The following SLC8A2 variants were observed in gnomAD, a reference collection of about 807,000 sequenced individuals.
SLC8A2 encodes solute carrier family 8 member A2.
Under a neutral mutation model 70.2 loss-of-function variants are expected in SLC8A2, and 14 were observed. The observed-to-expected ratio is 0.20, with a 90% confidence interval of 0.13 to 0.31. The LOEUF (loss-of-function observed/expected upper bound fraction) is 0.31, where lower values mean the gene tolerates loss of function less well. Ranked by LOEUF, SLC8A2 falls within the 10% of genes least tolerant of loss-of-function variation. SLC8A2 has a pLI of 1.00. For synonymous variants in SLC8A2, 575 were observed against 594.3 expected, an observed-to-expected ratio of 0.97 and a Z score of 0.47; for missense variants, 779 against 1,320.1, an observed-to-expected ratio of 0.59 and a Z score of 6.35.
At position 47,465,987 on chromosome 19, in the gene SLC8A2, G is replaced by A. The variant is rs146616274; in HGVS notation, c.417C>T (p.Ser139=). The change falls in exon 2 of 10, where the codon TCC becomes TCT. Residue 139 remains serine (S), a synonymous_variant. Transcript: ENST00000236877. This position sits in a 1 kb window ranked among gnomAD's most constrained non-coding sequence, Gnocchi z 5.5. ...SNLTLMALGS[S]APEILLSVIE... is the part of the protein sequence containing the mutation. Reference sequence around the variant, plus strand: ...TGACTGACAGCAGGATCTCAGGTGCGGAGGAGCCCAGGGCCATGAGCGTGA... The same window carrying A: ...TGACTGACAGCAGGATCTCAGGTGCAGAGGAGCCCAGGGCCATGAGCGTGA... 6.5e-5 allele frequency: 105 copies of A among 1,613,972 alleles called. 1 individual carries two copies. The highest frequency in any genetic ancestry group is 3.3e-4 in the South Asian group (30 of 91,084).
chr19:47,452,088 G>A (rs1410673900), intron 3 of SLC8A2, among the ~76,000 whole-genome samples: 1 of 152,124 alleles, frequency 6.6e-6, no homozygotes, highest in African/African-American at 2.4e-5. Flanking sequence ...GATTTCTTGA[G>A]TGAGATCATA....
chr19:47,457,692 C>G (rs1735724875), intron 2 of SLC8A2, 98 bp from the exon 3 acceptor site: 12 of 722,558 alleles, frequency 1.7e-5, no homozygotes, highest in Non-Finnish European at 2.6e-5. Context: ...CTCCTCATCT[C>G]TCTCCCCAAC....
Position 47,463,691 on chromosome 19 carries a change from A to G in SLC8A2, c.675+2038T>C, listed in dbSNP as rs542681770. The stretch of plus-strand genomic sequence containing the variant: ...AAAGACTCTGTCTCAAAAAAAAAAA[A>G]AAAGAAAGAAATAGAAATCTTTTCT... On this transcript the variant is annotated intron_variant, in intron 2 of 9. Transcript: ENST00000236877. Among the ~76,000 whole-genome samples, 264 of 151,832 alleles carry G rather than the reference A, an allele frequency of 1.7e-3. 1 individual carries two copies. The highest frequency in any genetic ancestry group is 6.0e-3 in the African/African-American group (247 of 41,466).
chr19:47,459,645 C>A (rs1967366330), intron 2 of SLC8A2, among the ~76,000 whole-genome samples: 1 of 150,972 alleles, frequency 6.6e-6, no homozygotes, highest in South Asian at 2.1e-4. Flanking sequence ...GTGTGTCCAT[C>A]TGTGTGTGTG....
At chr19:47,456,867 CCGGA>C (rs1274678167) in intron 3 of SLC8A2, 59 bp downstream of exon 3, 4 of 1,480,162 alleles carry the variant, frequency 2.7e-6, no homozygotes, top group East Asian at 4.8e-5. Flanking sequence ...CTGGAGGCCG[CCGGA>C]CGGCGGGACC....
rs904967267 is a variant in SLC8A2, at chr19:47,430,627, C to T, written c.2390-162G>A. ...CCCAAGAGGCAAAGTCCATCACCAC[C>T]TTTAGGCCTGCTCGCCACTGGAACC... On this transcript the variant is annotated intron_variant, in intron 9 of 9. Transcript: ENST00000236877. The surrounding 1 kb of genome is among the most constrained non-coding windows in gnomAD (Gnocchi z 5.9). Among the ~76,000 whole-genome samples the T allele has an allele frequency of 1.3e-5, 2 of 152,290 alleles. No homozygotes were observed. The highest frequency in any genetic ancestry group is 3.8e-4 in the East Asian group (2 of 5,204).
At chr19:47,469,169 G>A (rs1967502057) in intron 1 of SLC8A2, among the ~76,000 whole-genome samples, 2 of 151,778 alleles carry the variant, frequency 1.3e-5, no homozygotes, top group East Asian at 1.9e-4. Flanking sequence ...CAAGGGTGGG[G>A]GAGAGGGGTG....
chr19:47,456,916 C>G lies in SLC8A2; in HGVS notation c.1340+14G>C. On this transcript the variant is annotated intron_variant, in intron 3 of 9. Transcript: ENST00000236877. Reference sequence around the variant, plus strand: ...CGCCAGCCCCCTGCACACCCCCCACCCCGGGGGACCCACCTGTACTCGTAG... The same window carrying G: ...CGCCAGCCCCCTGCACACCCCCCACGCCGGGGGACCCACCTGTACTCGTAG... The G allele has an allele frequency of 6.3e-7, 1 of 1,576,420 alleles. No individual in the cohort carries two copies. The highest frequency in any genetic ancestry group is 8.6e-7 in the Non-Finnish European group (1 of 1,162,644).
rs1462574822 is a variant in SLC8A2 at position 47,432,099 on chromosome 19, A to T, written c.2389+68T>A. On this transcript the variant is annotated intron_variant, in intron 9 of 9. Transcript: ENST00000236877. This position sits in a 1 kb window ranked among gnomAD's most constrained non-coding sequence, Gnocchi z 6.2. ...GTGACTCCACCCACCTCATTTTGGC[A>T]GGATCCTGTGTTGCCCCTGCCTGGC... 1.4e-6 allele frequency: 2 copies of T among 1,439,166 alleles called. No individual in the cohort carries two copies. The highest frequency in any genetic ancestry group is 1.9e-6 in the Non-Finnish European group (2 of 1,058,112). 89.1% of individuals were successfully genotyped at this position (1,439,166 alleles called of 1,614,324 possible). A position where few individuals can be genotyped will look rare whatever the true frequency, so the allele number is the denominator to read the frequency against.
chr19:47,438,048 C>G, intron 6 of SLC8A2, 75 bp from the exon 7 acceptor site: 1 of 1,573,184 alleles, frequency 6.4e-7, no homozygotes, highest in Non-Finnish European at 8.7e-7. Flanking sequence ...TACTACCTGT[C>G]CCCATAGTTA....
At chr19:47,464,247 G>A (rs1241299681) in intron 2 of SLC8A2, among the ~76,000 whole-genome samples, 7 of 152,074 alleles carry the variant, frequency 4.6e-5, no homozygotes, top group Non-Finnish European at 8.8e-5. Flanking sequence ...GAGTAGCTGG[G>A]ATTACAGGCG....
At chr19:47,460,277 C>T (rs939385686) in intron 2 of SLC8A2, among the ~76,000 whole-genome samples, 3 of 152,194 alleles carry the variant, frequency 2.0e-5, no homozygotes, top group Admixed American at 6.5e-5. Flanking sequence ...CTGGCTTTAC[C>T]ACAGGGATGG....
At chr19:47,435,737 G>A (rs141011441) in intron 8 of SLC8A2, among the ~76,000 whole-genome samples, 157 of 151,906 alleles carry the variant, frequency 1.0e-3, no homozygotes, top group Non-Finnish European at 1.7e-3. Flanking sequence ...TAGTAGAGAC[G>A]GGGTTTCTCC....
chr19:47,430,239 C>T lies in SLC8A2; in HGVS notation c.2616G>A (p.Val872=), dbSNP rs1314419448. 6.8e-6 allele frequency: 11 copies of T among 1,611,270 alleles called. No individual in the cohort carries two copies. The highest frequency in any genetic ancestry group is 9.3e-6 in the Non-Finnish European group (11 of 1,178,776). Residue 872 remains valine, a synonymous_variant, in exon 10 of 10, where the codon GTG becomes GTA. Coordinates refer to ENST00000236877, the MANE Select transcript of SLC8A2 (RefSeq NM_015063.3). This position sits in a 1 kb window ranked among gnomAD's most constrained non-coding sequence, Gnocchi z 5.9. Reference sequence around the variant, plus strand: ...TGTGCGGCCGGCGCCGGTACAGCAGCACGGCAATGCCCACGAAGGCGAAGA... The same window carrying T: ...TGTGCGGCCGGCGCCGGTACAGCAGTACGGCAATGCCCACGAAGGCGAAGA... ...FTVFAFVGIA[V]LLYRRRPHIG...
At chr19:47,436,008 A>G (rs1462623758) in intron 8 of SLC8A2, among the ~76,000 whole-genome samples, 1 of 152,184 alleles carries the variant, frequency 6.6e-6, no homozygotes, top group East Asian at 1.9e-4. Flanking sequence ...GGAGCAGTGT[A>G]GAAATGTGCC....
rs1283003765 is a variant in SLC8A2, at chr19:47,457,079, G to A, written c.1191C>T (p.Phe397=). 3 of 1,583,944 alleles carry A rather than the reference G, an allele frequency of 1.9e-6. No individual in the cohort carries two copies. Among genetic ancestry groups the A allele is most frequent in the African/African-American group, 2.7e-5 (2 of 74,108 alleles). Residue 397 remains phenylalanine, a synonymous_variant, in exon 3 of 10, where the codon TTC becomes TTT. Transcript: ENST00000236877. ...GGCAGTGGTAGAGGCTAGGCTCGAA[G>A]AAGATGCGGCTGGCGCCGTCGTCTT... ...EDEDDGASRI[F]FEPSLYHCLE...
In SLC8A2 at chr19:47,470,781, G is replaced by A. The variant is rs1019467424; in HGVS notation, c.-17+1008C>T. ...TCTCATCTCTACTACAGAGGCTACC[G>A]GTTAAACTGCAAGAAGGACCGGCCT... On this transcript the variant is annotated intron_variant, in intron 1 of 9. Transcript: ENST00000236877. 2.6e-5 allele frequency among the ~76,000 whole-genome samples: 4 copies of A among 152,300 alleles called. 1 individual carries two copies. Among genetic ancestry groups the A allele is most frequent in the Admixed American group, 2.6e-4 (4 of 15,288 alleles).
At chr19:47,449,873 G>C (rs1967214459) in intron 3 of SLC8A2, among the ~76,000 whole-genome samples, 1 of 152,144 alleles carries the variant, frequency 6.6e-6, no homozygotes, top group Non-Finnish European at 1.5e-5. Context: ...CCCTGAGTGA[G>C]GAAGGAGCCC....
At position 47,466,409 on chromosome 19, in the gene SLC8A2, G is replaced by A. The variant is rs1463521278; in HGVS notation, c.-6C>T. 1.2e-5 allele frequency: 16 copies of A among 1,329,336 alleles called. No homozygotes were observed. The highest frequency in any genetic ancestry group is 1.5e-5 in the South Asian group (1 of 65,874). The allele number at this position is 1,329,336 out of a possible 1,614,324, so 82.3% of individuals were successfully genotyped here. A position where few individuals can be genotyped will look rare whatever the true frequency, so the allele number is the denominator to read the frequency against. On this transcript the variant is annotated 5_prime_UTR_variant, in exon 2 of 10. Coordinates refer to ENST00000236877, the MANE Select transcript of SLC8A2 (RefSeq NM_015063.3). This position sits in a 1 kb window ranked among gnomAD's most constrained non-coding sequence, Gnocchi z 6.9. ...ACCAAGGCCAGGGGAGCCATGGGGGGTGGTGGGGTCCTATGGGGGAGGAGG... is the reference window on the plus strand; with the variant it reads ...ACCAAGGCCAGGGGAGCCATGGGGGATGGTGGGGTCCTATGGGGGAGGAGG...
Sources: allele counts gnomAD v4.1 joint callset (sites outside exome capture counted in the v4.1 genomes callset), GRCh38; gene constraint gnomAD v4.1.1; non-coding constraint Gnocchi (gnomAD v3.1); transcripts MANE v1.5; gene names NCBI Gene and HGNC (gene_info 2026-07-23, HGNC 2026-07-21).